The following GALNT15 variants were observed in gnomAD, a reference collection of about 807,000 sequenced individuals.
The protein encoded by GALNT15 is UDP-GalNAc transferase T15.
A neutral mutation model predicts 66.8 loss-of-function variants in GALNT15; 67 were observed. The ratio of observed to expected loss-of-function variants is 1.00; its 90% CI spans 0.82 to 1.23. The LOEUF is 1.23. GALNT15 is among the 50% of genes most tolerant of loss of function. The probability of loss-of-function intolerance (pLI) is 0.00; values close to 1 mark genes in which losing one functional copy is unlikely to be tolerated. For synonymous variants in GALNT15, 313 were observed against 311.5 expected (o/e 1.00, Z -0.05); for missense variants, 827 against 804.3 (o/e 1.03, Z -0.34).
chr3:16,220,574 T>C (rs938713011), intron 8 of GALNT15, among the ~76,000 whole-genome samples: 7 of 152,234 alleles, frequency 4.6e-5, no homozygotes, highest in African/African-American at 1.7e-4. Context: ...GTAGGTCCAC[T>C]TCTTTTCACA....
downstream of GALNT15, among the ~76,000 whole-genome samples, chr3:16,232,469 AATAT>A (rs374444719): frequency 0.012 from 480 of 38,662 alleles, 8 homozygotes; most frequent in Middle Eastern, 0.029. Flanking sequence ...TAAATAAATA[AATAT>A]ATATATATAT....
At chr3:16,177,945 C>T (rs2063428589) in intron 1 of GALNT15, among the ~76,000 whole-genome samples, 1 of 152,070 alleles carries the variant, frequency 6.6e-6, no homozygotes, top group South Asian at 2.1e-4. Flanking sequence ...GTGTGCTGTG[C>T]ACGTATTTGT....
chr3:16,205,187 G>T (rs143955060), intron 3 of GALNT15, among the ~76,000 whole-genome samples: 23 of 152,324 alleles, frequency 1.5e-4, no homozygotes, highest in Non-Finnish European at 2.9e-4. Flanking sequence ...AGAATTCAGA[G>T]CCTTCTGCTT....
rs2063386812 is a variant in GALNT15, at chr3:16,174,753, C to T, written c.-399C>T. 1 of 195,884 alleles carries T rather than the reference C, an allele frequency of 5.1e-6. No individual in the cohort carries two copies. The highest frequency in any genetic ancestry group is 1.1e-4 in the South Asian group (1 of 8,816). 12.1% of individuals were successfully genotyped at this position (195,884 alleles called of 1,614,324 possible). A position where few individuals can be genotyped will look rare whatever the true frequency, so the allele number is the denominator to read the frequency against. ...TCAGCCCTGCTTGACTGAGAACCCA[C>T]CAGCTCATCCCAGACACCTCATAGC... On this transcript the variant is annotated 5_prime_UTR_variant, in exon 1 of 10. Coordinates refer to ENST00000339732, the MANE Select transcript of GALNT15 (RefSeq NM_054110.5). The surrounding 1 kb of genome is among the most constrained non-coding windows in gnomAD (Gnocchi z 4.7).
In GALNT15 at chr3:16,175,770, G is replaced by A. The variant is rs1448434301; in HGVS notation, c.539+80G>A. On this transcript the variant is annotated intron_variant, in intron 1 of 9. Coordinates refer to ENST00000339732, the MANE Select transcript of GALNT15 (RefSeq NM_054110.5). This position sits in a 1 kb window ranked among gnomAD's most constrained non-coding sequence, Gnocchi z 5.6. ...GCAAACTCGGGAATGCAAACTTTCC[G>A]TAGCCTGCCTCTCCTGACTTAGAGC... 4.2e-5 allele frequency: 53 copies of A among 1,275,874 alleles called. No homozygotes were observed. Among genetic ancestry groups the A allele is most frequent in the South Asian group, 2.3e-4 (15 of 66,368 alleles). 79.0% of individuals were successfully genotyped at this position (1,275,874 alleles called of 1,614,324 possible).
chr3:16,205,783 G>A (rs1426670124), intron 3 of GALNT15, among the ~76,000 whole-genome samples: 1 of 152,128 alleles, frequency 6.6e-6, no homozygotes, highest in Admixed American at 6.6e-5. Flanking sequence ...TGGTCCATGG[G>A]AATAAAGACC....
At chr3:16,238,219 C>T in the GALNT15 span, among the ~76,000 whole-genome samples, 2 of 152,078 alleles carry the variant, frequency 1.3e-5, no homozygotes. This position sits in a 1 kb window ranked among gnomAD's most constrained non-coding sequence, Gnocchi z 4.8. Flanking sequence ...AGAAAAATGA[C>T]ATTTCAAGAG....
intron 3 of GALNT15, among the ~76,000 whole-genome samples, chr3:16,208,273 T>G (rs540511414): frequency 1.3e-5 from 2 of 152,330 alleles, no homozygotes; most frequent in African/African-American, 4.8e-5. Context: ...TATTACCATT[T>G]CAACATATAA....
chr3:16,198,545 TA>T (rs1271641898), intron 2 of GALNT15, among the ~76,000 whole-genome samples: 2 of 141,940 alleles, frequency 1.4e-5, no homozygotes, highest in Non-Finnish European at 3.1e-5. Flanking sequence ...TTAGCAATGT[TA>T]AAGCCAATGA....
In GALNT15 at chr3:16,186,189, G is replaced by T. The variant is rs186400617; in HGVS notation, c.540-9571G>T. ...GACATAAAAATGGTCAATAGCACAC[G>T]AAAAGATGTTCAAATCATTAGTCAG... is the stretch of plus-strand genomic sequence containing the variant. On this transcript the variant is annotated intron_variant, in intron 1 of 9. Transcript: ENST00000339732. The surrounding 1 kb of genome is among the most constrained non-coding windows in gnomAD (Gnocchi z 5.1). Among the ~76,000 whole-genome samples, 2 of 152,164 alleles carry T rather than the reference G, an allele frequency of 1.3e-5. No homozygotes were observed.
chr3:16,242,662 C>T, the GALNT15 span, among the ~76,000 whole-genome samples: 1 of 151,944 alleles, frequency 6.6e-6, no homozygotes, highest in Non-Finnish European at 1.5e-5. This position sits in a 1 kb window ranked among gnomAD's most constrained non-coding sequence, Gnocchi z 5.6. Context: ...GCCTGTAGTC[C>T]CAGCTACTCA....
In GALNT15 at chr3:16,182,416, A is replaced by G. The variant is rs960695246; in HGVS notation, c.539+6726A>G. On this transcript the variant is annotated intron_variant, in intron 1 of 9. Transcript: ENST00000339732. The surrounding 1 kb of genome is among the most constrained non-coding windows in gnomAD (Gnocchi z 6.1). ...CTAATGTGTAACCAGGCTGAGGACC[A>G]CTGCTTAGGCCACTTTAGGTGACTA... Among the ~76,000 whole-genome samples the G allele has an allele frequency of 6.6e-6, 1 of 152,208 alleles. No homozygotes were observed. Among genetic ancestry groups the G allele is most frequent in the African/African-American group, 2.4e-5 (1 of 41,446 alleles).
downstream of GALNT15, among the ~76,000 whole-genome samples, chr3:16,230,945 A>C (rs1259926278): frequency 6.6e-6 from 1 of 152,176 alleles, no homozygotes; most frequent in East Asian, 1.9e-4. This position sits in a 1 kb window ranked among gnomAD's most constrained non-coding sequence, Gnocchi z 4.5. Flanking sequence ...CATATACACC[A>C]TGGAATACTA....
chr3:16,218,591 T>A (rs1388340976), intron 6 of GALNT15, among the ~76,000 whole-genome samples: 1 of 152,148 alleles, frequency 6.6e-6, no homozygotes, highest in Non-Finnish European at 1.5e-5. Flanking sequence ...GATTCATTAA[T>A]GGTACCCAGA....
chr3:16,174,929 CAG>C lies in GALNT15; in HGVS notation c.-218_-217del. On this transcript the variant is annotated 5_prime_UTR_variant, in exon 1 of 10. The change creates a premature stop within an existing upstream ORF in the 5' untranslated region. Coordinates refer to ENST00000339732, the MANE Select transcript of GALNT15 (RefSeq NM_054110.5). The surrounding 1 kb of genome is among the most constrained non-coding windows in gnomAD (Gnocchi z 4.7). ...CAGAAGGCAATTAAAGAAATCCACT[CAG>C]AGAGGACTTGGGGTGAAACTTGGGT... 3.7e-6 allele frequency: 2 copies of C among 537,756 alleles called. No homozygotes were observed. Among genetic ancestry groups the C allele is most frequent in the Non-Finnish European group, 6.6e-6 (2 of 303,316 alleles). The allele number at this position is 537,756 out of a possible 1,614,324, so 33.3% of individuals were successfully genotyped here. A position where few individuals can be genotyped will look rare whatever the true frequency, so the allele number is the denominator to read the frequency against.
At position 16,227,460 on chromosome 3, in the gene GALNT15, A is replaced by G. The variant is rs759915425; in HGVS notation, c.1880A>G (p.Gln627Arg). ...CCGTGTGATGGAAAAGCCCGCCAGC[A>G]GTGGCGTTTTGACCAGATCAATGCT... ...LRPCDGKARQ[Q>R]WRFDQINAVD... is the part of the protein sequence containing the mutation. Residue 627 changes from glutamine (Q) to arginine (R), a missense_variant, in exon 10 of 10, where the codon CAG becomes CGG. Coordinates refer to ENST00000339732, the MANE Select transcript of GALNT15 (RefSeq NM_054110.5). This position sits in a 1 kb window ranked among gnomAD's most constrained non-coding sequence, Gnocchi z 4.5. The G allele has an allele frequency of 3.1e-6, 5 of 1,614,100 alleles. No individual in the cohort carries two copies. The African/African-American group carries it at 4.0e-5, about 13-fold the overall frequency.
intron 3 of GALNT15, among the ~76,000 whole-genome samples, chr3:16,207,078 G>A (rs2063764657): frequency 1.3e-5 from 2 of 152,138 alleles, no homozygotes; most frequent in South Asian, 4.1e-4. Flanking sequence ...GGCAGGAAAA[G>A]CATATTAAGA....
chr3:16,239,934 A>G, the GALNT15 span, among the ~76,000 whole-genome samples: 1 of 152,240 alleles, frequency 6.6e-6, no homozygotes, highest in Admixed American at 6.5e-5. The surrounding 1 kb of genome is among the most constrained non-coding windows in gnomAD (Gnocchi z 5.2). Context: ...TTAATGGGAA[A>G]AGCCGTTACA....
chr3:16,201,161 T>A (rs2063696388), intron 3 of GALNT15, among the ~76,000 whole-genome samples: 1 of 134,802 alleles, frequency 7.4e-6, no homozygotes, highest in Non-Finnish European at 1.6e-5. Context: ...AATTTGGCAA[T>A]TTTTTTTTCT....
Sources: gnomAD v4.1 joint callset for allele counts (sites outside exome capture counted in the v4.1 genomes callset) on GRCh38, gnomAD v4.1.1 for gene constraint, Gnocchi (gnomAD v3.1) non-coding constraint, MANE v1.5 for transcripts, NCBI Gene and HGNC (gene_info 2026-07-23, HGNC 2026-07-21) for gene names.